Variants in ASIC2 observed in about 807,000 individuals in gnomAD.
The protein encoded by ASIC2 is acid sensing ion channel subunit 2.
A neutral mutation model predicts 57.3 loss-of-function variants in ASIC2; 25 were observed. That is an observed-to-expected ratio of 0.44 (90% CI 0.32 to 0.61). The LOEUF (loss-of-function observed/expected upper bound fraction) is 0.61. Ranked by LOEUF, ASIC2 falls within the 20% of genes least tolerant of loss-of-function variation. The probability of loss-of-function intolerance (pLI) is 0.06; values close to 1 mark genes in which losing one functional copy is unlikely to be tolerated. For synonymous variants in ASIC2, 319 were observed against 307.5 expected, an observed-to-expected ratio of 1.04 and a Z score of -0.39; for missense variants, 641 against 738.1, an observed-to-expected ratio of 0.87 and a Z score of 1.52.
chr17:33,970,277 G>C (rs1905191291), intron 1 of ASIC2, among the ~76,000 whole-genome samples: 1 of 152,148 alleles, frequency 6.6e-6, no homozygotes, highest in African/African-American at 2.4e-5. Flanking sequence ...GAGAACCAGT[G>C]GGGTAGTTGG....
chr17:33,452,776 T>TGATA (rs1912305692), intron 1 of ASIC2, among the ~76,000 whole-genome samples: 1 of 151,270 alleles, frequency 6.6e-6, no homozygotes, highest in Non-Finnish European at 1.5e-5. Flanking sequence ...TGTGTGTGTG[T>TGATA]GATAGCCTTT....
chr17:33,044,824 G>A (rs114784294), intron 3 of ASIC2, among the ~76,000 whole-genome samples: 1,651 of 152,312 alleles, frequency 0.011, 29 homozygotes, highest in African/African-American at 0.038. Context: ...ATGTCCAGGC[G>A]TAGTGGGGGC....
upstream of ASIC2, among the ~76,000 whole-genome samples, chr17:33,294,116 G>T (rs143697270): frequency 0.015 from 2,305 of 152,236 alleles, 40 homozygotes; most frequent in Middle Eastern, 0.031. Flanking sequence ...GGGTGGGAAG[G>T]GGGAGTAGGA....
At chr17:33,845,285 G>A (rs570362643) in intron 1 of ASIC2, among the ~76,000 whole-genome samples, 4 of 152,174 alleles carry the variant, frequency 2.6e-5, no homozygotes, top group African/African-American at 9.6e-5. Context: ...CCATCTCATG[G>A]AAACGTACCT....
intron 1 of ASIC2, among the ~76,000 whole-genome samples, chr17:33,363,682 G>A (rs1356320184): frequency 1.3e-5 from 2 of 152,226 alleles, no homozygotes; most frequent in Non-Finnish European, 2.9e-5. Flanking sequence ...CAGCTCTGGG[G>A]GATGAGTGTT....
intron 2 of ASIC2, chr17:33,099,864 T>C (rs552627156): frequency 2.6e-5 from 4 of 152,350 alleles, no homozygotes; most frequent in Non-Finnish European, 2.9e-5. Context: ...TAGATTGTGA[T>C]GTGATTATAG....
chr17:33,799,127 C>G (rs762157115), intron 1 of ASIC2, among the ~76,000 whole-genome samples: 2 of 152,218 alleles, frequency 1.3e-5, no homozygotes, highest in Non-Finnish European at 2.9e-5. Flanking sequence ...GCTCTTTCTT[C>G]TTTGTAAGTG....
At chr17:33,505,710 G>A (rs1449629503) in intron 1 of ASIC2, among the ~76,000 whole-genome samples, 1 of 152,160 alleles carries the variant, frequency 6.6e-6, no homozygotes, top group Non-Finnish European at 1.5e-5. Context: ...TAGCCTCCTA[G>A]TCTCAGCACA....
intron 1 of ASIC2, among the ~76,000 whole-genome samples, chr17:33,626,241 G>A (rs1469175415): frequency 6.6e-6 from 1 of 152,104 alleles, no homozygotes; most frequent in Non-Finnish European, 1.5e-5. Flanking sequence ...TGGTTGGTAA[G>A]TATGGAAAAA....
intron 1 of ASIC2, among the ~76,000 whole-genome samples, chr17:33,440,562 T>C (rs1207038524): frequency 6.6e-6 from 1 of 152,238 alleles, no homozygotes; most frequent in Non-Finnish European, 1.5e-5. Context: ...GCAGTGCCAC[T>C]TCACATTTCC....
intron 1 of ASIC2, among the ~76,000 whole-genome samples, chr17:34,062,571 T>G (rs958557770): frequency 2.0e-5 from 3 of 151,756 alleles, no homozygotes; most frequent in African/African-American, 7.3e-5. Context: ...AAAAGATAAA[T>G]GAAACAAAAA....
intron 1 of ASIC2, among the ~76,000 whole-genome samples, chr17:33,577,672 C>G (rs184638645): frequency 6.6e-6 from 1 of 152,284 alleles, no homozygotes; most frequent in Non-Finnish European, 1.5e-5. Context: ...CCCCTAGCAC[C>G]TATTTTTACC....
chr17:33,999,526 T>C (rs1043807827), intron 1 of ASIC2, among the ~76,000 whole-genome samples: 1 of 152,188 alleles, frequency 6.6e-6, no homozygotes, highest in Non-Finnish European at 1.5e-5. Flanking sequence ...CTTATCTGTA[T>C]GTACTACAGG....
At chr17:33,425,630 A>G (rs927989787) in intron 1 of ASIC2, among the ~76,000 whole-genome samples, 1 of 152,164 alleles carries the variant, frequency 6.6e-6, no homozygotes, top group Non-Finnish European at 1.5e-5. Context: ...TAGGATTTGG[A>G]CACAGAGAGA....
chr17:33,964,304 C>G (rs980178517), intron 1 of ASIC2, among the ~76,000 whole-genome samples: 4 of 152,228 alleles, frequency 2.6e-5, no homozygotes, highest in African/African-American at 9.6e-5. Context: ...GCTCACCCCT[C>G]TCCCCCAGAG....
chr17:33,777,191 C>G (rs1262978243), intron 1 of ASIC2, among the ~76,000 whole-genome samples: 1 of 152,260 alleles, frequency 6.6e-6, no homozygotes, highest in African/African-American at 2.4e-5. Context: ...TTCCTGAATT[C>G]CCTGAGCTTC....
chr17:33,067,751 C>T (rs995356640), intron 3 of ASIC2, among the ~76,000 whole-genome samples: 1 of 152,120 alleles, frequency 6.6e-6, no homozygotes, highest in African/African-American at 2.4e-5. Context: ...GAAACAGCAA[C>T]TTTGCAAAGT....
intron 1 of ASIC2, among the ~76,000 whole-genome samples, chr17:33,489,868 C>T (rs1913696000): frequency 6.6e-6 from 1 of 152,196 alleles, no homozygotes; most frequent in Non-Finnish European, 1.5e-5. Flanking sequence ...GAGAGTGTAT[C>T]TTAGTCCTGA....
chr17:33,813,446 G>GT (rs906115897), intron 1 of ASIC2, among the ~76,000 whole-genome samples: 14 of 151,964 alleles, frequency 9.2e-5, no homozygotes, highest in East Asian at 7.7e-4. Context: ...TTTGATTTTT[G>GT]TTTTTTTTGT....
Sources: allele counts gnomAD v4.1 joint callset (sites outside exome capture counted in the v4.1 genomes callset), GRCh38; gene constraint gnomAD v4.1.1; transcripts MANE v1.5; gene names NCBI Gene and HGNC (gene_info 2026-07-23, HGNC 2026-07-21).